LASP1: variants seen among roughly 807,000 people sequenced by gnomAD.
The protein encoded by LASP1 is LIM and SH3 protein 1, also known as LIM and SH3 domain protein 1.
LASP1 carries 10 observed loss-of-function variants against 38.6 expected under a neutral mutation model. The ratio of observed to expected loss-of-function variants is 0.26; its 90% CI spans 0.16 to 0.44. The LOEUF is 0.44. Ranked by LOEUF, LASP1 falls within the 20% of genes least tolerant of loss-of-function variation. The probability of loss-of-function intolerance (pLI) is 1.00; values close to 1 mark genes in which losing one functional copy is unlikely to be tolerated. For synonymous variants in LASP1, 132 were observed against 140.8 expected, an observed-to-expected ratio of 0.94 and a Z score of 0.44; for missense variants, 243 against 375.7, an observed-to-expected ratio of 0.65 and a Z score of 2.92.
At chr17:38,874,706 A>T (rs1159647609) in intron 1 of LASP1, among the ~76,000 whole-genome samples, 2 of 152,140 alleles carry the variant, frequency 1.3e-5, no homozygotes, top group East Asian at 3.9e-4. Flanking sequence ...AGCCCCCTGC[A>T]GGGGGACAGG....
In LASP1 at chr17:38,870,162, C is replaced by T. The variant is rs750755842; in HGVS notation, c.-28C>T. 16 of 1,612,218 alleles carry T rather than the reference C, an allele frequency of 9.9e-6. No homozygotes were observed. Among genetic ancestry groups the T allele is most frequent in the East Asian group, 2.2e-5 (1 of 44,854 alleles). ...GGAACAGGACGCGCGTGAGCTCAGGCGTCCCCGCCCCAGCTTTTCTCGGAA... is the reference window on the plus strand; with the variant it reads ...GGAACAGGACGCGCGTGAGCTCAGGTGTCCCCGCCCCAGCTTTTCTCGGAA... On this transcript the variant is annotated 5_prime_UTR_variant, in exon 1 of 7. Transcript: ENST00000318008.
At chr17:38,872,964 C>T (rs1228628837) in intron 1 of LASP1, among the ~76,000 whole-genome samples, 1 of 152,194 alleles carries the variant, frequency 6.6e-6, no homozygotes, top group Non-Finnish European at 1.5e-5. Flanking sequence ...AGATTTGCTT[C>T]TCCAGAGGAC....
At chr17:38,906,567 A>G (rs1383931337) in intron 4 of LASP1, among the ~76,000 whole-genome samples, 1 of 152,092 alleles carries the variant, frequency 6.6e-6, no homozygotes, top group Non-Finnish European at 1.5e-5. Context: ...TAAAAAAGAA[A>G]AGGAAATGAG....
chr17:38,912,648 G>A (rs899905891), intron 4 of LASP1, among the ~76,000 whole-genome samples: 3 of 152,174 alleles, frequency 2.0e-5, no homozygotes, highest in Non-Finnish European at 4.4e-5. Context: ...CTGAGAGGAG[G>A]AAAGGGCTTG....
chr17:38,898,808 T>C, intron 4 of LASP1: 3 of 500,274 alleles, frequency 6.0e-6, no homozygotes, highest in South Asian at 4.6e-5. Flanking sequence ...TTTTTCTGGA[T>C]ATCGTGGGTA....
intron 4 of LASP1, among the ~76,000 whole-genome samples, chr17:38,912,570 A>G (rs945925084): frequency 3.9e-5 from 6 of 152,292 alleles, no homozygotes; most frequent in Middle Eastern, 3.4e-3. Context: ...GAGATCCAGG[A>G]GACCTTGGCA....
At chr17:38,914,002 G>GA (rs34463489) in intron 4 of LASP1, among the ~76,000 whole-genome samples, 11,347 of 119,362 alleles carry the variant, frequency 0.095, 554 homozygotes, top group East Asian at 0.19. Flanking sequence ...ACTCCGTCTC[G>GA]AAAAAAAAAA....
intron 4 of LASP1, among the ~76,000 whole-genome samples, chr17:38,913,407 C>CGGTA (rs1383806367): frequency 2.0e-5 from 3 of 152,206 alleles, no homozygotes; most frequent in Admixed American, 2.0e-4. Context: ...GCATCCTAGG[C>CGGTA]TGTAGTACCC....
intron 5 of LASP1, among the ~76,000 whole-genome samples, chr17:38,914,708 ACACAC>A (rs1216113057): frequency 6.6e-6 from 1 of 150,796 alleles, no homozygotes; most frequent in Non-Finnish European, 1.5e-5. Context: ...ACACACACAC[ACACAC>A]ATGCACGCAC....
At chr17:38,897,268 A>G (rs1334895924) in intron 3 of LASP1, among the ~76,000 whole-genome samples, 1 of 152,254 alleles carries the variant, frequency 6.6e-6, no homozygotes, top group Non-Finnish European at 1.5e-5. Context: ...AGAGGACCTG[A>G]CAGGTGTGGC....
intron 4 of LASP1, among the ~76,000 whole-genome samples, chr17:38,912,165 C>T (rs1035066408): frequency 4.6e-5 from 7 of 152,242 alleles, no homozygotes; most frequent in African/African-American, 1.7e-4. Context: ...TCAAAACCCA[C>T]CTGATATATG....
Position 38,914,330 on chromosome 17 carries a change from A to G in LASP1, c.363A>G (p.Lys121=). The G allele has an allele frequency of 6.2e-7, 1 of 1,608,508 alleles. No homozygotes were observed. The highest frequency in any genetic ancestry group is 1.1e-5 in the South Asian group (1 of 90,224). ...KKTQDQISNI[K]YHEEFEKSRM... is the part of the protein sequence containing the mutation. ...AGTGCCTTCTGACCTTGCAGATAAA[A>G]TACCATGAGGAGTTTGAGAAGAGCC... Residue 121 remains lysine (K), a synonymous_variant, in exon 5 of 7, where the codon AAA becomes AAG. Coordinates refer to ENST00000318008, the MANE Select transcript of LASP1 (RefSeq NM_006148.4).
intron 1 of LASP1, among the ~76,000 whole-genome samples, chr17:38,875,002 T>A (rs142365987): frequency 1.6e-3 from 236 of 151,898 alleles, no homozygotes; most frequent in African/African-American, 5.6e-3. Flanking sequence ...CTCCCCAACG[T>A]CAATCAGGAG....
intron 1 of LASP1, among the ~76,000 whole-genome samples, chr17:38,872,743 A>G (rs971848387): frequency 6.6e-6 from 1 of 152,010 alleles, no homozygotes; most frequent in African/African-American, 2.4e-5. Flanking sequence ...ACAATCCCCC[A>G]TGGTACTCAG....
intron 4 of LASP1, among the ~76,000 whole-genome samples, chr17:38,909,762 T>C (rs1052388177): frequency 5.9e-5 from 7 of 119,164 alleles, no homozygotes; most frequent in African/African-American, 8.6e-5. Flanking sequence ...TTCATTCATT[T>C]GTTTTGAGAT....
Position 38,883,851 on chromosome 17 carries a change from C to T in LASP1, c.164+5671C>T, listed in dbSNP as rs115153109. ...TGCTCTTTTTTTTCCTCTGATTGAA[C>T]AATGCCTCCTTGTTGCTTCCTATCG... On this transcript the variant is annotated intron_variant, in intron 2 of 6. Transcript: ENST00000318008. 9.8e-3 allele frequency among the ~76,000 whole-genome samples: 1,443 copies of T among 146,818 alleles called. 25 individuals are homozygous for T. The highest frequency in any genetic ancestry group is 0.035 in the African/African-American group (1,382 of 39,856).
In LASP1 at chr17:38,914,901, C is replaced by T. The variant is rs970539225; in HGVS notation, c.509-142C>T. ...TACAACACACAGGCAAATGTGCACA[C>T]GTGGACATCAGCCTTTGAGCTGTGG... On this transcript the variant is annotated intron_variant, in intron 5 of 6. Coordinates refer to ENST00000318008, the MANE Select transcript of LASP1 (RefSeq NM_006148.4). 3.6e-5 allele frequency: 27 copies of T among 744,342 alleles called. 1 individual carries two copies. The Middle Eastern group carries it at 9.8e-4, about 27-fold the overall frequency. 46.1% of individuals were successfully genotyped at this position (744,342 alleles called of 1,614,324 possible).
intron 1 of LASP1, among the ~76,000 whole-genome samples, chr17:38,875,216 A>C (rs1457792479): frequency 2.0e-5 from 3 of 152,102 alleles, no homozygotes; most frequent in Non-Finnish European, 4.4e-5. Context: ...GGCAGAGGCC[A>C]GCAGACTGGG....
chr17:38,888,179 G>A lies in LASP1; in HGVS notation c.165-2241G>A, dbSNP rs145691953. Among the ~76,000 whole-genome samples the A allele has an allele frequency of 6.9e-3, 1,051 of 152,214 alleles. 15 individuals are homozygous for A. The highest frequency in any genetic ancestry group is 0.024 in the African/African-American group (1,004 of 41,538). On this transcript the variant is annotated intron_variant, in intron 2 of 6. Transcript: ENST00000318008. ...ATACACACAAACCACATGGCTCAGA[G>A]CTGCCTGTCTCTCCTGCAGCTGGTT...
Sources: gnomAD v4.1 joint callset for allele counts (sites outside exome capture counted in the v4.1 genomes callset) on GRCh38, gnomAD v4.1.1 for gene constraint, MANE v1.5 for transcripts, NCBI Gene and HGNC (gene_info 2026-07-23, HGNC 2026-07-21) for gene names.